ESAM: variants seen among roughly 807,000 people sequenced by gnomAD.
The protein encoded by ESAM is endothelial cell-selective adhesion molecule.
In ESAM, 23 loss-of-function variants were observed where a neutral mutation model predicts 31.8. The ratio of observed to expected loss-of-function variants is 0.72; its 90% confidence interval spans 0.52 to 1.03. The LOEUF (loss-of-function observed/expected upper bound fraction) is 1.03. Among genes scored for constraint, ESAM ranks in the 50% least tolerant of loss-of-function variants. ESAM has a pLI of 0.00. For synonymous variants in ESAM, 216 were observed against 207.2 expected (o/e 1.04, Z -0.37); for missense variants, 478 against 488.9 (o/e 0.98, Z 0.21).
At chr11:124,760,588 A>C (rs1944216893) in intron 1 of ESAM, among the ~76,000 whole-genome samples, 1 of 152,250 alleles carries the variant, frequency 6.6e-6, no homozygotes, top group Non-Finnish European at 1.5e-5. Context: ...TGCACGTTGC[A>C]CCGGGGTCAC....
intron 1 of ESAM, among the ~76,000 whole-genome samples, chr11:124,760,574 C>G (rs904802153): frequency 2.0e-5 from 3 of 152,256 alleles, no homozygotes; most frequent in African/African-American, 7.2e-5. Flanking sequence ...CGGAGCCGGG[C>G]GCCTGCACGT....
chr11:124,760,880 G>A (rs1397346108), intron 1 of ESAM, among the ~76,000 whole-genome samples: 1 of 152,218 alleles, frequency 6.6e-6, no homozygotes, highest in Non-Finnish European at 1.5e-5. Flanking sequence ...GTTGAAGTTG[G>A]GAAAGGCGGG....
At position 124,754,230 on chromosome 11, in the gene ESAM, G is replaced by T; in HGVS notation, c.841C>A (p.Pro281Thr). 6.2e-7 allele frequency: 1 copy of T among 1,613,928 alleles called. No individual in the cohort carries two copies. Among genetic ancestry groups the T allele is most frequent in the Non-Finnish European group, 8.5e-7 (1 of 1,179,934 alleles). Residue 281 changes from proline to threonine, a missense_variant, in exon 6 of 7, where the codon CCA (proline) becomes ACA (threonine). Coordinates refer to ENST00000278927, the MANE Select transcript of ESAM (RefSeq NM_138961.3). The surrounding 1 kb of genome is among the most constrained non-coding windows in gnomAD (Gnocchi z 4.5). Reference sequence around the variant, plus strand: ...GACACTTACTTGATATCATTGGCTGGCTCCTCCAGGGCCTTGCCCCGGCGG... The same window carrying T: ...GACACTTACTTGATATCATTGGCTGTCTCCTCCAGGGCCTTGCCCCGGCGG... ...YHRRGKALEE[P>T]ANDIKEDAIA...
rs1591430791 is a variant in ESAM at position 124,759,702 on chromosome 11, C to T, written c.71-1175G>A. ...CGCTTCCCGGCTGCGCCGTACAGAA[C>T]CCCCACCTCTGTTACTTGGCCTTCG... On this transcript the variant is annotated intron_variant, in intron 1 of 6. Coordinates refer to ENST00000278927, the MANE Select transcript of ESAM (RefSeq NM_138961.3). The surrounding 1 kb of genome is among the most constrained non-coding windows in gnomAD (Gnocchi z 6.8). Among the ~76,000 whole-genome samples the T allele has an allele frequency of 6.6e-6, 1 of 152,338 alleles. No individual in the cohort carries two copies. Among genetic ancestry groups the T allele is most frequent in the Admixed American group, 6.5e-5 (1 of 15,310 alleles).
intron 2 of ESAM, 57 bp downstream of exon 2, chr11:124,758,292 G>T: frequency 6.3e-7 from 1 of 1,591,880 alleles, no homozygotes; most frequent in Non-Finnish European, 8.6e-7. Flanking sequence ...CCAGCTCTTT[G>T]CTTACAACCC....
In ESAM at chr11:124,754,388, C is replaced by A; in HGVS notation, c.731-48G>T. The A allele has an allele frequency of 6.2e-7, 1 of 1,600,658 alleles. No individual in the cohort carries two copies. On this transcript the variant is annotated intron_variant, in intron 5 of 6. Coordinates refer to ENST00000278927, the MANE Select transcript of ESAM (RefSeq NM_138961.3). The surrounding 1 kb of genome is among the most constrained non-coding windows in gnomAD (Gnocchi z 4.5). ...GGAGGACACCCAGCTGAGGGGTTCT[C>A]ACCCCTCTCCAATCCCACTCTCCCC...
At position 124,759,062 on chromosome 11, in the gene ESAM, A is replaced by C. The variant is rs1267888108; in HGVS notation, c.71-535T>G. ...TCCTTCTGAGCTTGCCAGGAGCTGG[A>C]GAGAGCAGAGCAGCCCAGCGCCCAA... On this transcript the variant is annotated intron_variant, in intron 1 of 6. Transcript: ENST00000278927. The surrounding 1 kb of genome is among the most constrained non-coding windows in gnomAD (Gnocchi z 6.8). 6.5e-6 allele frequency: 1 copy of C among 153,778 alleles called. No individual in the cohort carries two copies. Among genetic ancestry groups the C allele is most frequent in the East Asian group, 1.9e-4 (1 of 5,178 alleles). 9.5% of individuals were successfully genotyped at this position (153,778 alleles called of 1,614,324 possible).
At position 124,759,957 on chromosome 11, in the gene ESAM, C is replaced by G. The variant is rs1390872641; in HGVS notation, c.71-1430G>C. On this transcript the variant is annotated intron_variant, in intron 1 of 6. Coordinates refer to ENST00000278927, the MANE Select transcript of ESAM (RefSeq NM_138961.3). This position sits in a 1 kb window ranked among gnomAD's most constrained non-coding sequence, Gnocchi z 6.8. ...GCAGGTGCTGCCGGCTCTCCCCCAGCCTTTCTACGACACACACCCGGCGGC... is the reference window on the plus strand; with the variant it reads ...GCAGGTGCTGCCGGCTCTCCCCCAGGCTTTCTACGACACACACCCGGCGGC... 1.3e-5 allele frequency among the ~76,000 whole-genome samples: 2 copies of G among 152,250 alleles called. No individual in the cohort carries two copies. Among genetic ancestry groups the G allele is most frequent in the Non-Finnish European group, 2.9e-5 (2 of 68,050 alleles).
rs1944183626 is a variant in ESAM at position 124,758,470 on chromosome 11, A to G, written c.128T>C (p.Val43Ala). Residue 43 changes from valine (V) to alanine (A), a missense_variant, in exon 2 of 7, where the codon GTG becomes GCG. Transcript: ENST00000278927. ...LHLPANRLQA[V>A]EGGEVVLPAW... ...TGGAAGCACCACTTCCCCTCCCTCC[A>G]CCGCCTGCAACCGGTTGGCGGGCAA... 3.1e-6 allele frequency: 5 copies of G among 1,610,298 alleles called. No homozygotes were observed. Among genetic ancestry groups the G allele is most frequent in the Non-Finnish European group, 4.2e-6 (5 of 1,178,432 alleles).
rs1296103731 is a variant in ESAM at position 124,753,516 on chromosome 11, AAG to A, written c.*128_*129del. On this transcript the variant is annotated 3_prime_UTR_variant, in exon 7 of 7. Coordinates refer to ENST00000278927, the MANE Select transcript of ESAM (RefSeq NM_138961.3). ...TTACTGAGATGGTTTTCCCACAGTA[AAG>A]AGAGGTGGGGGCAGAGTACTAAGGG... The A allele has an allele frequency of 3.1e-6, 3 of 965,514 alleles. No homozygotes were observed. The highest frequency in any genetic ancestry group is 4.5e-6 in the Non-Finnish European group (3 of 659,454). 59.8% of individuals were successfully genotyped at this position (965,514 alleles called of 1,614,324 possible).
At chr11:124,761,785 G>C (rs1944232151) in intron 1 of ESAM, among the ~76,000 whole-genome samples, 1 of 136,778 alleles carries the variant, frequency 7.3e-6, no homozygotes, top group African/African-American at 2.6e-5. Flanking sequence ...CTGCTGGGTG[G>C]GGGGTGGGGA....
Position 124,754,307 on chromosome 11 carries a change from A to G in ESAM, c.764T>C (p.Val255Ala), listed in dbSNP as rs1490727970. The change falls in exon 6 of 7, where the codon GTG (valine) becomes GCG (alanine). Residue 255 changes from valine (V) to alanine (A), a missense_variant. Physicochemically the swap from Val to Ala is moderately conservative, Grantham distance 64. Transcript: ENST00000278927. The surrounding 1 kb of genome is among the most constrained non-coding windows in gnomAD (Gnocchi z 4.5). The part of the protein sequence containing the change: ...PGAAVVAGAV[V>A]GTLVGLGLLA... ...CAACCCCAGTCCAACCAGGGTACCC[A>G]CAACAGCTCCAGCAACCACTGCAGC... is the stretch of plus-strand genomic sequence containing the variant. The G allele has an allele frequency of 6.2e-7, 1 of 1,614,008 alleles. No individual in the cohort carries two copies. The highest frequency in any genetic ancestry group is 1.3e-5 in the African/African-American group (1 of 74,900).
chr11:124,762,212 A>T lies in ESAM; in HGVS notation c.-58T>A. 5 of 1,390,356 alleles carry T rather than the reference A, an allele frequency of 3.6e-6. No homozygotes were observed. In the East Asian group the frequency reaches 1.3e-4, roughly 37 times the overall value. 86.1% of individuals were successfully genotyped at this position (1,390,356 alleles called of 1,614,324 possible). A position where few individuals can be genotyped will look rare whatever the true frequency, so the allele number is the denominator to read the frequency against. ...CCAGCCGCGGGACGCACGGACCTGCAGGTGCCGAGGCTGCGCGACGGCCGG... is the reference window on the plus strand; with the variant it reads ...CCAGCCGCGGGACGCACGGACCTGCTGGTGCCGAGGCTGCGCGACGGCCGG... On this transcript the variant is annotated 5_prime_UTR_variant, in exon 1 of 7. Transcript: ENST00000278927. This position sits in a 1 kb window ranked among gnomAD's most constrained non-coding sequence, Gnocchi z 6.4.
In ESAM at chr11:124,759,920, C is replaced by T. The variant is rs60590070; in HGVS notation, c.71-1393G>A. On this transcript the variant is annotated intron_variant, in intron 1 of 6. Transcript: ENST00000278927. The surrounding 1 kb of genome is among the most constrained non-coding windows in gnomAD (Gnocchi z 6.8). ...CTGGCCATTCCGCTGAGGCCGGGCA[C>T]GCCTGGAGCCTGCAGGTGCTGCCGG... Among the ~76,000 whole-genome samples, 1 of 152,226 alleles carries T rather than the reference C, an allele frequency of 6.6e-6. No individual in the cohort carries two copies. The highest frequency in any genetic ancestry group is 1.5e-5 in the Non-Finnish European group (1 of 68,032).
intron 1 of ESAM, among the ~76,000 whole-genome samples, chr11:124,758,772 C>T (rs1944188616): frequency 6.6e-6 from 1 of 152,176 alleles, no homozygotes; most frequent in Admixed American, 6.5e-5. Context: ...GATGGGGACA[C>T]ATTTATATGC....
In ESAM at chr11:124,762,148, A is replaced by G. The variant is rs761792665; in HGVS notation, c.7T>C (p.Ser3Pro). MI[S>P]LPGPLVTNLL... ...TTGGTCACCAGGGGCCCCGGGAGGG[A>G]AATCATGGCCCTCCCTGGCCGGGAC... Residue 3 changes from serine to proline, a missense_variant, in exon 1 of 7, where the codon TCC (serine) becomes CCC (proline). By Grantham distance (74) the Ser-to-Pro change is moderately conservative. Coordinates refer to ENST00000278927, the MANE Select transcript of ESAM (RefSeq NM_138961.3). The surrounding 1 kb of genome is among the most constrained non-coding windows in gnomAD (Gnocchi z 6.4). 1.2e-6 allele frequency: 2 copies of G among 1,609,384 alleles called. No individual in the cohort carries two copies. The highest frequency in any genetic ancestry group is 1.7e-6 in the Non-Finnish European group (2 of 1,177,930).
intron 1 of ESAM, among the ~76,000 whole-genome samples, 188 bp downstream of exon 1, chr11:124,761,897 C>G (rs1012980770): frequency 6.6e-6 from 1 of 152,168 alleles, no homozygotes; most frequent in Non-Finnish European, 1.5e-5. Flanking sequence ...CACACCCAAA[C>G]TGGGGGCTGT....
At chr11:124,760,718 C>A (rs559430711) in intron 1 of ESAM, among the ~76,000 whole-genome samples, 138 of 152,360 alleles carry the variant, frequency 9.1e-4, no homozygotes, top group Non-Finnish European at 1.1e-3. Flanking sequence ...TGGGGTAGGA[C>A]AAAGGGTTGC....
intron 2 of ESAM, 57 bp downstream of exon 2, chr11:124,758,292 G>A: frequency 6.3e-7 from 1 of 1,591,892 alleles, no homozygotes; most frequent in Non-Finnish European, 8.6e-7. Flanking sequence ...CCAGCTCTTT[G>A]CTTACAACCC....
Sources: gnomAD v4.1 joint callset for allele counts (sites outside exome capture counted in the v4.1 genomes callset) on GRCh38, gnomAD v4.1.1 for gene constraint, Gnocchi (gnomAD v3.1) non-coding constraint, MANE v1.5 for transcripts, NCBI Gene and HGNC (gene_info 2026-07-23, HGNC 2026-07-21) for gene names.